PPP2R3B: variants seen among roughly 807,000 people sequenced by gnomAD.
PPP2R3B encodes the protein protein phosphatase 2 regulatory subunit B''beta.
In PPP2R3B, 68 loss-of-function variants were observed where a neutral mutation model predicts 72.9. That is an observed-to-expected ratio of 0.93 (90% confidence interval 0.77 to 1.14). PPP2R3B has a LOEUF of 1.14. Ranked by LOEUF, PPP2R3B falls within the 50% of genes most tolerant of loss-of-function variation. PPP2R3B has a pLI of 0.00. For synonymous variants in PPP2R3B, 466 were observed against 375.8 expected (o/e 1.24, Z -2.78); for missense variants, 1,018 against 842.0 (o/e 1.21, Z -2.59).
chrX:344,136 GGGAGACC>G lies in PPP2R3B; in HGVS notation c.1036+1373_1036+1379del, dbSNP rs1569383425. ...GAGACCTCACCAACGGGAGGCGGGAGGGAGACCTCAGCAACGGGAGGCGGGAGGGAGA... is the reference window on the plus strand; with the variant it reads ...GAGACCTCACCAACGGGAGGCGGGAGTCAGCAACGGGAGGCGGGAGGGAGA... On this transcript the variant is annotated intron_variant, in intron 7 of 12. Coordinates refer to ENST00000390665, the MANE Select transcript of PPP2R3B (RefSeq NM_013239.5). Among the ~76,000 whole-genome samples the G allele has an allele frequency of 7.8e-3, 945 of 120,706 alleles. 123 individuals are homozygous for G. Among genetic ancestry groups the G allele is most frequent in the East Asian group, 0.016 (63 of 3,946 alleles). 79.2% of individuals were successfully genotyped at this position (120,706 alleles called of 152,430 possible).
At chrX:367,183 G>C (rs553366708) in intron 1 of PPP2R3B, among the ~76,000 whole-genome samples, 40 of 152,276 alleles carry the variant, frequency 2.6e-4, no homozygotes, top group African/African-American at 8.9e-4. Flanking sequence ...TGAAAGAAGG[G>C]ATGAAGAGCA....
Position 386,703 on chromosome X carries a change from GGCCCGCGGCGCCCCCGGAC to G in PPP2R3B, c.-31_-13del. 7.9e-7 allele frequency: 1 copy of G among 1,262,124 alleles called. No homozygotes were observed. The highest frequency in any genetic ancestry group is 9.9e-7 in the Non-Finnish European group (1 of 1,007,856). 78.2% of individuals were successfully genotyped at this position (1,262,124 alleles called of 1,614,324 possible). A position where few individuals can be genotyped will look rare whatever the true frequency, so the allele number is the denominator to read the frequency against. ...TTGCCGGGCGGCATGGCGGGGGCTG[GGCCCGCGGCGCCCCCGGAC>G]GCCCGCGCCCCGCCCCGCCCCGGGG... On this transcript the variant is annotated 5_prime_UTR_variant, in exon 1 of 13. Transcript: ENST00000390665.
rs746628795 is a variant in PPP2R3B, at chrX:361,494, C to T, written c.421G>A (p.Val141Met). Residue 141 changes from valine (V) to methionine (M), a missense_variant, in exon 2 of 13, where the codon GTG (valine) becomes ATG (methionine). Coordinates refer to ENST00000390665, the MANE Select transcript of PPP2R3B (RefSeq NM_013239.5). ...PRGRPQDSVN[V>M]DAVISKIEST... Reference sequence around the variant, plus strand: ...TCGATCTTGCTGATGACGGCATCCACGTTGACGGAGTCCTGCGGGCGTCCT... The same window carrying T: ...TCGATCTTGCTGATGACGGCATCCATGTTGACGGAGTCCTGCGGGCGTCCT... 2.0e-5 allele frequency: 33 copies of T among 1,613,898 alleles called. No individual in the cohort carries two copies. The highest frequency in any genetic ancestry group is 1.6e-4 in the Middle Eastern group (1 of 6,078).
intron 1 of PPP2R3B, chrX:373,757 C>T (rs1412972679): frequency 6.7e-6 from 1 of 148,936 alleles, no homozygotes; most frequent in Non-Finnish European, 1.5e-5. Context: ...GTGGCCCGGG[C>T]TCAGCGCGCT....
intron 2 of PPP2R3B, among the ~76,000 whole-genome samples, chrX:352,873 G>A (rs929123506): frequency 4.0e-5 from 6 of 150,782 alleles, no homozygotes; most frequent in East Asian, 3.9e-4. Context: ...CTATGTGAGC[G>A]AGTGACATCG....
rs1382285746 is a variant in PPP2R3B at position 345,497 on chromosome X, C to A, written c.1036+19G>T. On this transcript the variant is annotated intron_variant, in intron 7 of 12. Coordinates refer to ENST00000390665, the MANE Select transcript of PPP2R3B (RefSeq NM_013239.5). ...GCTCGGTGTCCGCGCGGCCCGCCCG[C>A]CCCTGTGCCCCCACGCACCGTGGTC... 6.2e-7 allele frequency: 1 copy of A among 1,612,068 alleles called. No individual in the cohort carries two copies. Among genetic ancestry groups the A allele is most frequent in the Non-Finnish European group, 8.5e-7 (1 of 1,179,340 alleles).
chrX:343,795 A>G (rs2071128646), intron 7 of PPP2R3B, among the ~76,000 whole-genome samples: 2 of 12,024 alleles, frequency 1.7e-4, no homozygotes, highest in Admixed American at 6.0e-4. Flanking sequence ...GGGAGACCTC[A>G]CCAAGGAGAC....
Position 334,534 on chromosome X carries a change from G to A in PPP2R3B, c.1578-17C>T, listed in dbSNP as rs761142021. 3 of 1,524,620 alleles carry A rather than the reference G, an allele frequency of 2.0e-6. No homozygotes were observed. The highest frequency in any genetic ancestry group is 2.2e-5 in the Admixed American group (1 of 45,970). The allele number at this position is 1,524,620 out of a possible 1,614,324, so 94.4% of individuals were successfully genotyped here. Reference sequence around the variant, plus strand: ...GCCTCGAACCTGCAACGAGGGGATGGCGAAGACGTGGCCAGCAGCGCGGAG... The same window carrying A: ...GCCTCGAACCTGCAACGAGGGGATGACGAAGACGTGGCCAGCAGCGCGGAG... On this transcript the variant is annotated splice_polypyrimidine_tract_variant and intron_variant, in intron 12 of 12. Coordinates refer to ENST00000390665, the MANE Select transcript of PPP2R3B (RefSeq NM_013239.5).
At chrX:346,334 CGGGAGAG>C in intron 5 of PPP2R3B, 74 bp from the exon 6 acceptor site, 1 of 1,434,698 alleles carries the variant, frequency 7.0e-7, no homozygotes, top group Non-Finnish European at 9.5e-7. Flanking sequence ...GACCGGGAGC[CGGGAGAG>C]GGGCGCGCCC....
intron 9 of PPP2R3B, 59 bp downstream of exon 9, chrX:341,248 C>G (rs1225234630): frequency 1.3e-6 from 2 of 1,583,288 alleles, no homozygotes; most frequent in Non-Finnish European, 1.7e-6. Context: ...GGACACATGT[C>G]ACATGGGCGG....
chrX:363,459 C>CAATGCATCTCCCCGAGCCCAG (rs1569403846), intron 1 of PPP2R3B, among the ~76,000 whole-genome samples: 9 of 148,124 alleles, frequency 6.1e-5, no homozygotes, highest in Non-Finnish European at 1.1e-4. Flanking sequence ...CCCGAGCCCA[C>CAATGCATCTCCCCGAGCCCAG]CATCCCACAA....
chrX:367,315 AGTC>A, intron 1 of PPP2R3B, among the ~76,000 whole-genome samples: 1 of 152,174 alleles, frequency 6.6e-6, no homozygotes, highest in East Asian at 1.9e-4. Flanking sequence ...AAAAAAAAAA[AGTC>A]AATACAACAG....
In PPP2R3B at chrX:334,342, C is replaced by CGCG. The variant is rs1312792685; in HGVS notation, c.*22_*24dup. On this transcript the variant is annotated 3_prime_UTR_variant, in exon 13 of 13. Coordinates refer to ENST00000390665, the MANE Select transcript of PPP2R3B (RefSeq NM_013239.5). ...GGTGGTGGCACGTGGGGAGCGGCCC[C>CGCG]GCGGCGGCGTTCTCGCGGGCGGCGT... is the stretch of plus-strand genomic sequence containing the variant. 8.2e-6 allele frequency: 12 copies of CGCG among 1,462,172 alleles called. No homozygotes were observed. Among genetic ancestry groups the CGCG allele is most frequent in the Non-Finnish European group, 9.0e-6 (10 of 1,112,744 alleles). The allele number at this position is 1,462,172 out of a possible 1,614,324, so 90.6% of individuals were successfully genotyped here.
chrX:348,511 G>A (rs993329384), intron 2 of PPP2R3B, among the ~76,000 whole-genome samples: 1 of 150,542 alleles, frequency 6.6e-6, no homozygotes, highest in Non-Finnish European at 1.5e-5. Context: ...GGGAGGTGGA[G>A]GTTGCAGTAA....
At chrX:371,728 T>C (rs762403349) in intron 1 of PPP2R3B, among the ~76,000 whole-genome samples, 2 of 152,146 alleles carry the variant, frequency 1.3e-5, no homozygotes, top group African/African-American at 4.8e-5. Flanking sequence ...CCTGAGGGTG[T>C]GTCCAAGTGG....
In PPP2R3B at chrX:341,879, G is replaced by C. The variant is rs375950071; in HGVS notation, c.1085+4C>G. The C allele has an allele frequency of 2.5e-6, 4 of 1,612,618 alleles. No homozygotes were observed. In the South Asian group the frequency reaches 3.3e-5, roughly 13 times the overall value. On this transcript the variant is annotated splice_donor_region_variant and intron_variant, in intron 8 of 12. Coordinates refer to ENST00000390665, the MANE Select transcript of PPP2R3B (RefSeq NM_013239.5). Reference sequence around the variant, plus strand: ...CTGCCGTCAGGCGCCTGAGCCGTACGTACCGTGTGACTGCTCCTGAGAAGA... The same window carrying C: ...CTGCCGTCAGGCGCCTGAGCCGTACCTACCGTGTGACTGCTCCTGAGAAGA...
chrX:352,220 A>T (rs888986858), intron 2 of PPP2R3B, among the ~76,000 whole-genome samples: 1 of 152,276 alleles, frequency 6.6e-6, no homozygotes, highest in Non-Finnish European at 1.5e-5. Context: ...ATAAAACATC[A>T]GATACCCTGA....
chrX:363,648 C>G (rs2071608973), intron 1 of PPP2R3B, among the ~76,000 whole-genome samples: 1 of 106,580 alleles, frequency 9.4e-6, no homozygotes, highest in African/African-American at 3.5e-5. Flanking sequence ...CCACAGTCAT[C>G]TCCCTGTGCC....
intron 1 of PPP2R3B, among the ~76,000 whole-genome samples, chrX:368,573 G>C (rs1312595205): frequency 4.2e-5 from 5 of 119,494 alleles, no homozygotes; most frequent in Non-Finnish European, 6.9e-5. Flanking sequence ...GGGAAGGCCG[G>C]GACCACCCAC....
Sources: gnomAD v4.1 joint callset for allele counts (sites outside exome capture counted in the v4.1 genomes callset) on GRCh38, gnomAD v4.1.1 for gene constraint, MANE v1.5 for transcripts, NCBI Gene and HGNC (gene_info 2026-07-23, HGNC 2026-07-21) for gene names.